RGL1: variants seen among roughly 807,000 people sequenced by gnomAD.
RGL1 encodes the protein ral guanine nucleotide dissociation stimulator-like 1.
In RGL1, 24 loss-of-function variants were observed where a neutral mutation model predicts 95.2. The ratio of observed to expected loss-of-function variants is 0.25; its 90% CI spans 0.18 to 0.35. The LOEUF is 0.35. Ranked by LOEUF, RGL1 falls within the 10% of genes least tolerant of loss-of-function variation. The pLI is 1.00. For missense variants in RGL1, 715 were observed against 936.3 expected (o/e 0.76, Z 3.08); for synonymous variants, 329 against 344.9 (o/e 0.95, Z 0.51).
intron 1 of RGL1, among the ~76,000 whole-genome samples, chr1:183,692,237 A>G (rs1208534704): frequency 6.6e-6 from 1 of 152,236 alleles, no homozygotes; most frequent in African/African-American, 2.4e-5. Context: ...TTGGAATGAG[A>G]AAGTGTATTG....
At position 183,724,068 on chromosome 1, in the gene RGL1, A is replaced by G. The variant is rs1302295039; in HGVS notation, c.-32-18058A>G. On this transcript the variant is annotated intron_variant, in intron 1 of 18. Coordinates refer to the RGL1 transcript ENST00000304685. This position sits in a 1 kb window ranked among gnomAD's most constrained non-coding sequence, Gnocchi z 4.1. Reference sequence around the variant, plus strand: ...TAGACACACCCTGGGCCAGAAGCAAACTCATTGCCTTGAAGGGAAGAGCCC... The same window carrying G: ...TAGACACACCCTGGGCCAGAAGCAAGCTCATTGCCTTGAAGGGAAGAGCCC... Among the ~76,000 whole-genome samples, 1 of 152,068 alleles carries G rather than the reference A, an allele frequency of 6.6e-6. No homozygotes were observed. The highest frequency in any genetic ancestry group is 2.4e-5 in the African/African-American group (1 of 41,406).
intron 1 of RGL1, among the ~76,000 whole-genome samples, chr1:183,730,883 T>C (rs10494567): frequency 0.18 from 27,253 of 152,092 alleles, 3,371 homozygotes; most frequent in African/African-American, 0.35. Flanking sequence ...ATATTATGCT[T>C]TCAAAGTAAC....
intron 1 of RGL1, among the ~76,000 whole-genome samples, chr1:183,726,926 T>C (rs547546279): frequency 1.3e-5 from 2 of 152,264 alleles, no homozygotes; most frequent in South Asian, 2.1e-4. Flanking sequence ...CATTTCCTAT[T>C]GCTGATTTTT....
At chr1:183,841,235 G>T (rs1178860737) in intron 2 of RGL1, among the ~76,000 whole-genome samples, 1 of 152,136 alleles carries the variant, frequency 6.6e-6, no homozygotes, top group East Asian at 1.9e-4. Flanking sequence ...AAAAATACAG[G>T]ATACACAATT....
Position 183,926,188 on chromosome 1 carries a change from T to C in RGL1, c.2203T>C (p.Ser735Pro), listed in dbSNP as rs777279077. The change falls in exon 18 of 18, where the codon TCC becomes CCC. Residue 735 changes from serine (S) to proline (P), a missense_variant. Coordinates refer to ENST00000360851, the MANE Select transcript of RGL1 (RefSeq NM_001297671.3). Reference sequence around the variant, plus strand: ...TGACTTCATTTTGCGCAAAAAGAACTCCATGGAAGAACAAGTGAAACTGCG... The same window carrying C: ...TGACTTCATTTTGCGCAAAAAGAACCCCATGGAAGAACAAGTGAAACTGCG... The part of the protein sequence containing the change: ...NFDFILRKKN[S>P]MEEQVKLRSR... 6.2e-7 allele frequency: 1 copy of C among 1,614,122 alleles called. No individual in the cohort carries two copies. Among genetic ancestry groups the C allele is most frequent in the Non-Finnish European group, 8.5e-7 (1 of 1,180,002 alleles).
chr1:183,737,463 A>G (rs1657010058), intron 1 of RGL1, among the ~76,000 whole-genome samples: 1 of 152,158 alleles, frequency 6.6e-6, no homozygotes, highest in African/African-American at 2.4e-5. Flanking sequence ...ATATTTTAAA[A>G]AGAAGACTAG....
At chr1:183,847,825 G>A (rs768073733) in intron 3 of RGL1, 51 bp downstream of exon 3, 1 of 1,437,020 alleles carries the variant, frequency 7.0e-7, no homozygotes, top group South Asian at 1.2e-5. Flanking sequence ...GCTGATTATG[G>A]AGTGGAGCAC....
chr1:183,669,582 G>A (rs1171982575), intron 1 of RGL1, among the ~76,000 whole-genome samples: 1 of 152,068 alleles, frequency 6.6e-6, no homozygotes, highest in Admixed American at 6.6e-5. Context: ...ATAATTTTTG[G>A]TTAAAAGGTA....
At chr1:183,819,824 G>A (rs987526694) in intron 2 of RGL1, among the ~76,000 whole-genome samples, 11 of 147,970 alleles carry the variant, frequency 7.4e-5, no homozygotes, top group African/African-American at 2.5e-4. Flanking sequence ...TTGTTCTGTC[G>A]CCCAGTCTGG....
At chr1:183,840,191 A>G (rs1031571886) in intron 2 of RGL1, among the ~76,000 whole-genome samples, 1 of 152,200 alleles carries the variant, frequency 6.6e-6, no homozygotes, top group Non-Finnish European at 1.5e-5. Flanking sequence ...ATGATCTACT[A>G]TCAGACAAGG....
intron 2 of RGL1, among the ~76,000 whole-genome samples, chr1:183,758,471 A>G (rs540749386): frequency 1.0e-3 from 153 of 152,272 alleles, no homozygotes; most frequent in African/African-American, 3.6e-3. Context: ...TGCTAGGATT[A>G]CAGGCATGAG....
At chr1:183,792,979 C>T (rs1660509393) in intron 2 of RGL1, among the ~76,000 whole-genome samples, 1 of 151,796 alleles carries the variant, frequency 6.6e-6, no homozygotes, top group Non-Finnish European at 1.5e-5. Context: ...ACAAAAGAGC[C>T]AGAATAGCCA....
rs1390450250 is a variant in RGL1, at chr1:183,922,145, A to C, written c.2005-77A>C. ...AAAGGCATCACAACACAAGACAGCA[A>C]GAATGAGAGGGTCAGGAGAACTCCC... On this transcript the variant is annotated intron_variant, in intron 16 of 17. Coordinates refer to ENST00000360851, the MANE Select transcript of RGL1 (RefSeq NM_001297671.3). 2.0e-5 allele frequency: 24 copies of C among 1,191,436 alleles called. No homozygotes were observed. In the East Asian group the frequency reaches 5.5e-4, roughly 27 times the overall value. The allele number at this position is 1,191,436 out of a possible 1,614,324, so 73.8% of individuals were successfully genotyped here. A position where few individuals can be genotyped will look rare whatever the true frequency, so the allele number is the denominator to read the frequency against.
At chr1:183,647,504 G>A (rs1650373660) in intron 1 of RGL1, 1 of 1,083,130 alleles carries the variant, frequency 9.2e-7, no homozygotes, top group Non-Finnish European at 1.2e-6. Flanking sequence ...TTTGGATTAT[G>A]TTTAAAATAG....
intron 2 of RGL1, among the ~76,000 whole-genome samples, chr1:183,774,637 C>G (rs988957160): frequency 2.1e-5 from 3 of 140,930 alleles, no homozygotes; most frequent in Non-Finnish European, 4.5e-5. Flanking sequence ...AGTGCACTGG[C>G]ATGATCTCGG....
At position 183,777,997 on chromosome 1, in the gene RGL1, C is replaced by T. The variant is rs548087526; in HGVS notation, c.133-28378C>T. ...GATAGATTATCTTTACAGTTTGTTT[C>T]ATGTGTCCAAGAAAATTTTTAAGCT... On this transcript the variant is annotated intron_variant, in intron 2 of 18. Coordinates refer to the RGL1 transcript ENST00000304685. 1.6e-4 allele frequency among the ~76,000 whole-genome samples: 24 copies of T among 152,266 alleles called. No individual in the cohort carries two copies. The South Asian group carries it at 5.0e-3, about 32-fold the overall frequency.
chr1:183,881,177 G>A (rs562458349), intron 5 of RGL1, among the ~76,000 whole-genome samples: 2 of 152,120 alleles, frequency 1.3e-5, no homozygotes, highest in Non-Finnish European at 2.9e-5. Context: ...ACCTGAATTT[G>A]CATTTTATTA....
At chr1:183,893,565 A>G (rs776577281) in intron 9 of RGL1, among the ~76,000 whole-genome samples, 4 of 152,224 alleles carry the variant, frequency 2.6e-5, no homozygotes, top group Non-Finnish European at 5.9e-5. Flanking sequence ...GGTTAGTAAG[A>G]AAAGGCATCC....
intron 1 of RGL1, among the ~76,000 whole-genome samples, chr1:183,715,129 T>G (rs566739499): frequency 2.0e-5 from 3 of 152,336 alleles, no homozygotes; most frequent in African/African-American, 7.2e-5. Context: ...GAGCTTCATT[T>G]GAACCCCAGC....
Sources: allele counts gnomAD v4.1 joint callset (sites outside exome capture counted in the v4.1 genomes callset), GRCh38; gene constraint gnomAD v4.1.1; non-coding constraint Gnocchi (gnomAD v3.1); transcripts MANE v1.5; gene names NCBI Gene and HGNC (gene_info 2026-07-23, HGNC 2026-07-21).